The following RGS6 variants were observed in gnomAD, a reference collection of about 807,000 sequenced individuals.
RGS6 encodes regulator of G protein signaling 6.
RGS6 carries 30 observed loss-of-function variants against 78.5 expected under a neutral mutation model. That is an observed-to-expected ratio of 0.38 (90% CI 0.29 to 0.52). The LOEUF is 0.52. RGS6 is among the 20% of genes least tolerant of loss of function. The pLI is 0.85. For synonymous variants in RGS6, 206 were observed against 206.0 expected (o/e 1.00, Z 0.00); for missense variants, 495 against 609.7 (o/e 0.81, Z 1.98).
chr14:72,142,264 C>T (rs1321075724), intron 2 of RGS6, among the ~76,000 whole-genome samples: 1 of 151,452 alleles, frequency 6.6e-6, no homozygotes, highest in Non-Finnish European at 1.5e-5. Flanking sequence ...ACAATGTATT[C>T]TTATACCACA....
At chr14:72,384,876 G>C (rs909944830) in intron 3 of RGS6, among the ~76,000 whole-genome samples, 1 of 152,112 alleles carries the variant, frequency 6.6e-6, no homozygotes, top group African/African-American at 2.4e-5. Context: ...TCAGCCTCCT[G>C]ACTAGCTGGG....
intron 17 of RGS6, among the ~76,000 whole-genome samples, chr14:72,546,415 A>G (rs2097404305): frequency 1.3e-5 from 2 of 152,174 alleles, no homozygotes; most frequent in South Asian, 4.1e-4. Flanking sequence ...GAGTCTCGAG[A>G]CTTTTATCAA....
intron 2 of RGS6, among the ~76,000 whole-genome samples, chr14:72,262,232 T>C (rs1217589075): frequency 2.0e-5 from 3 of 151,912 alleles, no homozygotes; most frequent in Non-Finnish European, 2.9e-5. Context: ...TTATAGGGAG[T>C]GTATTAGTCA....
chr14:72,568,046 G>T (rs148558370), downstream of RGS6, among the ~76,000 whole-genome samples: 1 of 152,138 alleles, frequency 6.6e-6, no homozygotes, highest in Admixed American at 6.5e-5. Context: ...GTGTAGCCAC[G>T]TGAGCTCCAT....
intron 17 of RGS6, among the ~76,000 whole-genome samples, chr14:72,553,741 C>A (rs1567119425): frequency 6.6e-6 from 1 of 152,222 alleles, no homozygotes; most frequent in Non-Finnish European, 1.5e-5. Context: ...GCTTCTAAAT[C>A]CAATAACAGC....
At chr14:72,472,697 G>C (rs1198982957) in intron 8 of RGS6, among the ~76,000 whole-genome samples, 175 bp from the exon 9 acceptor site, 2 of 151,154 alleles carry the variant, frequency 1.3e-5, no homozygotes, top group African/African-American at 4.9e-5. Flanking sequence ...TGAGGTTTTC[G>C]GGGGGGGAAT....
At chr14:71,941,000 C>T (rs75822607) in intron 1 of RGS6, among the ~76,000 whole-genome samples, 16,440 of 151,514 alleles carry the variant, frequency 0.11, 1,083 homozygotes, top group Admixed American at 0.14. Flanking sequence ...TCCACAATTT[C>T]GGCTCTTTCT....
chr14:71,939,015 C>T (rs1314299601), intron 1 of RGS6, among the ~76,000 whole-genome samples: 1 of 152,184 alleles, frequency 6.6e-6, no homozygotes, highest in African/African-American at 2.4e-5. Flanking sequence ...ATCATATGTC[C>T]CAAGTGGCAG....
intron 2 of RGS6, among the ~76,000 whole-genome samples, chr14:72,060,426 G>T (rs2093836949): frequency 7.4e-6 from 1 of 135,500 alleles, no homozygotes; most frequent in African/African-American, 2.8e-5. Flanking sequence ...AGCTATAAAA[G>T]ACTAGAATAC....
At chr14:72,326,374 A>T (rs190743065) in intron 2 of RGS6, among the ~76,000 whole-genome samples, 47 of 152,322 alleles carry the variant, frequency 3.1e-4, no homozygotes, top group African/African-American at 1.1e-3. Flanking sequence ...GAGTTTGGAT[A>T]TTTGTCCCTG....
chr14:72,072,960 G>A (rs572689421), intron 2 of RGS6, among the ~76,000 whole-genome samples: 8 of 152,246 alleles, frequency 5.3e-5, no homozygotes, highest in East Asian at 1.9e-4. Flanking sequence ...GATTTATCTC[G>A]TCTGGGGCAC....
At chr14:72,023,078 C>T (rs529135483) in intron 2 of RGS6, among the ~76,000 whole-genome samples, 137 of 152,222 alleles carry the variant, frequency 9.0e-4, no homozygotes, top group Non-Finnish European at 1.7e-3. Flanking sequence ...TTCCTAACAT[C>T]AGAGGACATA....
chr14:71,910,176 C>T, the RGS6 span, among the ~76,000 whole-genome samples: 126,275 of 152,006 alleles, frequency 0.83, 52,668 homozygotes, highest in Middle Eastern at 0.85. Context: ...GGCAACAGAG[C>T]GAGACTCTGT....
intron 2 of RGS6, among the ~76,000 whole-genome samples, chr14:72,307,099 A>G (rs1303361498): frequency 2.0e-5 from 3 of 152,232 alleles, no homozygotes; most frequent in Admixed American, 6.5e-5. Context: ...GCAGCCATCA[A>G]CATCAAGGCA....
At chr14:72,360,591 G>A (rs551265808) in intron 3 of RGS6, among the ~76,000 whole-genome samples, 1 of 151,766 alleles carries the variant, frequency 6.6e-6, no homozygotes, top group South Asian at 2.1e-4. Flanking sequence ...GTACAAATAA[G>A]TGGGCAGATG....
intron 2 of RGS6, among the ~76,000 whole-genome samples, chr14:72,222,300 TG>T (rs1278373849): frequency 6.6e-6 from 1 of 152,226 alleles, no homozygotes; most frequent in African/African-American, 2.4e-5. Context: ...TCCAGGTAAA[TG>T]GCATCCTGCC....
the RGS6 span, among the ~76,000 whole-genome samples, chr14:71,887,792 G>T: frequency 6.6e-6 from 1 of 152,140 alleles, no homozygotes; most frequent in African/African-American, 2.4e-5. Flanking sequence ...TGTGATCTTT[G>T]TTGGACCCTT....
chr14:72,559,348 G>A (rs1198619669), intron 17 of RGS6, among the ~76,000 whole-genome samples: 1 of 152,238 alleles, frequency 6.6e-6, no homozygotes, highest in East Asian at 1.9e-4. Flanking sequence ...CAGAAGGGAA[G>A]CAGCTGCTGA....
chr14:72,487,161 G>A lies in RGS6; in HGVS notation c.855-7991G>A, dbSNP rs149988761. Reference sequence around the variant, plus strand: ...ATGATGGCAAATAGGACAAATGAGGGTGCATAGATTCATGAACACTGGGTT... The same window carrying A: ...ATGATGGCAAATAGGACAAATGAGGATGCATAGATTCATGAACACTGGGTT... On this transcript the variant is annotated intron_variant, in intron 12 of 17. Coordinates refer to ENST00000553525, the MANE Select transcript of RGS6 (RefSeq NM_001204424.2). Among the ~76,000 whole-genome samples the A allele has an allele frequency of 1.7e-3, 260 of 152,288 alleles. 3 individuals are homozygous for A. Among genetic ancestry groups the A allele is most frequent in the African/African-American group, 6.0e-3 (251 of 41,570 alleles).
Sources: gnomAD v4.1 joint callset for allele counts (sites outside exome capture counted in the v4.1 genomes callset) on GRCh38, gnomAD v4.1.1 for gene constraint, MANE v1.5 for transcripts, NCBI Gene and HGNC (gene_info 2026-07-23, HGNC 2026-07-21) for gene names.